GRK3: variants seen among roughly 807,000 people sequenced by gnomAD.
GRK3 encodes adrenergic, beta, receptor kinase 2.
A neutral mutation model predicts 95.7 loss-of-function variants in GRK3; 54 were observed. The ratio of observed to expected loss-of-function variants is 0.56; its 90% CI spans 0.45 to 0.71. GRK3 has a LOEUF of 0.71. GRK3 is among the 30% of genes least tolerant of loss of function. The probability of loss-of-function intolerance (pLI) is 0.00; values close to 1 mark genes in which losing one functional copy is unlikely to be tolerated. For synonymous variants in GRK3, 281 were observed against 290.8 expected, an observed-to-expected ratio of 0.97 and a Z score of 0.34; for missense variants, 649 against 851.2, an observed-to-expected ratio of 0.76 and a Z score of 2.96.
At position 25,727,105 on chromosome 22, in the gene GRK3, A is replaced by G. The variant is rs2085480986; in HGVS notation, c.*4655A>G. On this transcript the variant is annotated 3_prime_UTR_variant, in exon 21 of 21. Transcript: ENST00000324198. ...AGGCCTCTTCTGTTCTACCCTGCTC[A>G]CTTCCACGGTGAGTTACCAGCCTGG... 1 of 152,030 alleles carries G rather than the reference A, an allele frequency of 6.6e-6. No individual in the cohort carries two copies. Among genetic ancestry groups the G allele is most frequent in the South Asian group, 2.1e-4 (1 of 4,820 alleles). 9.4% of individuals were successfully genotyped at this position (152,030 alleles called of 1,614,324 possible).
intron 1 of GRK3, among the ~76,000 whole-genome samples, chr22:25,587,940 A>G (rs1214660230): frequency 6.6e-6 from 1 of 152,196 alleles, no homozygotes; most frequent in African/African-American, 2.4e-5. Context: ...TACATTACCC[A>G]GTCTCGGGTA....
chr22:25,714,622 A>G (rs1234272527), intron 18 of GRK3, 52 bp downstream of exon 18: 1 of 1,490,286 alleles, frequency 6.7e-7, no homozygotes, highest in African/African-American at 1.4e-5. Flanking sequence ...AATTTTCAAA[A>G]TTTCTTGTAA....
At chr22:25,634,786 C>A (rs2084688029) in intron 2 of GRK3, among the ~76,000 whole-genome samples, 1 of 152,132 alleles carries the variant, frequency 6.6e-6, no homozygotes, top group Admixed American at 6.5e-5. Flanking sequence ...GCAACCATTT[C>A]TATTATTAGT....
chr22:25,691,697 A>C (rs575973358), intron 12 of GRK3, among the ~76,000 whole-genome samples: 4 of 152,244 alleles, frequency 2.6e-5, no homozygotes, highest in Non-Finnish European at 4.4e-5. Context: ...GTCATAACTA[A>C]ATATGAATCC....
chr22:25,698,146 G>A (rs2085225577), intron 13 of GRK3, among the ~76,000 whole-genome samples: 1 of 147,726 alleles, frequency 6.8e-6, no homozygotes, highest in Admixed American at 6.8e-5. Flanking sequence ...AGGGAGGAAG[G>A]AAGGAAGGAA....
chr22:25,677,267 T>C (rs1483791437), intron 8 of GRK3, among the ~76,000 whole-genome samples: 1 of 151,144 alleles, frequency 6.6e-6, no homozygotes, highest in Non-Finnish European at 1.5e-5. Context: ...CTCCAGCTAC[T>C]CTGGAGGCTG....
intron 11 of GRK3, among the ~76,000 whole-genome samples, chr22:25,688,773 G>A (rs1376387233): frequency 1.3e-5 from 2 of 152,252 alleles, no homozygotes; most frequent in African/African-American, 4.8e-5. Context: ...TCACCTAGTT[G>A]TATGGCCAAC....
chr22:25,600,638 G>T (rs2084403443), intron 1 of GRK3, among the ~76,000 whole-genome samples: 1 of 152,166 alleles, frequency 6.6e-6, no homozygotes, highest in Admixed American at 6.5e-5. Flanking sequence ...AGGAGGATGT[G>T]CATAAGTGCT....
chr22:25,714,353 C>G (rs2085366602), intron 17 of GRK3, 55 bp from the exon 18 acceptor site: 1 of 1,536,942 alleles, frequency 6.5e-7, no homozygotes, highest in Non-Finnish European at 8.9e-7. Flanking sequence ...GCCGCGGACT[C>G]TTACCTTTGT....
intron 3 of GRK3, chr22:25,648,786 C>T (rs530537502): frequency 1.0e-5 from 12 of 1,194,152 alleles, no homozygotes; most frequent in Admixed American, 1.7e-5. Flanking sequence ...CTATATTCAC[C>T]GAGATCTCTG....
chr22:25,670,452 G>A (rs2084971814), intron 6 of GRK3, among the ~76,000 whole-genome samples: 1 of 151,946 alleles, frequency 6.6e-6, no homozygotes, highest in Non-Finnish European at 1.5e-5. Flanking sequence ...ATCGACCTAG[G>A]ATTGCACCAC....
intron 11 of GRK3, among the ~76,000 whole-genome samples, chr22:25,688,216 A>G (rs1377029192): frequency 2.0e-5 from 3 of 149,014 alleles, no homozygotes; most frequent in African/African-American, 7.5e-5. Context: ...AGCCTGGACA[A>G]CAGAGCAAGA....
At chr22:25,575,288 G>A (rs1201500474) in intron 1 of GRK3, among the ~76,000 whole-genome samples, 4 of 152,216 alleles carry the variant, frequency 2.6e-5, no homozygotes, top group Admixed American at 2.0e-4. Context: ...TAAGTGAAGC[G>A]TTATGGCCTA....
intron 1 of GRK3, among the ~76,000 whole-genome samples, chr22:25,594,866 G>A (rs111540119): frequency 0.044 from 6,720 of 151,832 alleles, 214 homozygotes; most frequent in African/African-American, 0.09. Context: ...GCAACAGAGC[G>A]AAACTCCATC....
intron 2 of GRK3, among the ~76,000 whole-genome samples, chr22:25,619,226 A>C (rs1371955744): frequency 6.6e-6 from 1 of 152,172 alleles, no homozygotes; most frequent in Non-Finnish European, 1.5e-5. Flanking sequence ...AGCTTTAGAA[A>C]AGGCTGTATC....
intron 2 of GRK3, among the ~76,000 whole-genome samples, chr22:25,638,918 T>A (rs1338229293): frequency 1.3e-5 from 2 of 152,190 alleles, no homozygotes; most frequent in Non-Finnish European, 2.9e-5. Flanking sequence ...GTGGCTTAAT[T>A]TACATTTACA....
intron 3 of GRK3, among the ~76,000 whole-genome samples, chr22:25,645,847 G>C (rs1308054090): frequency 6.6e-6 from 1 of 152,020 alleles, no homozygotes; most frequent in Non-Finnish European, 1.5e-5. Flanking sequence ...TGTGAACCCG[G>C]GAGGTGGAAC....
chr22:25,579,055 G>A (rs887977954), intron 1 of GRK3, among the ~76,000 whole-genome samples: 2 of 152,064 alleles, frequency 1.3e-5, no homozygotes, highest in African/African-American at 4.8e-5. Context: ...AGTGGCAATT[G>A]AAAAGGTAAA....
chr22:25,624,313 C>T (rs919192668), intron 2 of GRK3, among the ~76,000 whole-genome samples: 7 of 152,002 alleles, frequency 4.6e-5, no homozygotes, highest in Admixed American at 4.6e-4. Flanking sequence ...CCTGTAATCC[C>T]AGCACTTTGG....
Sources: allele counts gnomAD v4.1 joint callset (sites outside exome capture counted in the v4.1 genomes callset), GRCh38; gene constraint gnomAD v4.1.1; transcripts MANE v1.5; gene names NCBI Gene and HGNC (gene_info 2026-07-23, HGNC 2026-07-21).